Variants in N4BP2L2 observed in about 807,000 individuals in gnomAD.
N4BP2L2 encodes NEDD4 binding protein 2 like 2.
A neutral mutation model predicts 56.2 loss-of-function variants in N4BP2L2; 50 were observed. That is an observed-to-expected ratio of 0.89 (90% CI 0.71 to 1.13). The LOEUF (loss-of-function observed/expected upper bound fraction) is 1.13, where lower values mean the gene tolerates loss of function less well. N4BP2L2 is among the 50% of genes most tolerant of loss of function. The probability of loss-of-function intolerance (pLI) is 0.00; values close to 1 mark genes in which losing one functional copy is unlikely to be tolerated. For synonymous variants in N4BP2L2, 203 were observed against 223.6 expected, an observed-to-expected ratio of 0.91 and a Z score of 0.82; for missense variants, 689 against 693.8, an observed-to-expected ratio of 0.99 and a Z score of 0.08.
At chr13:32,519,242 A>G (rs2050096047) in intron 5 of N4BP2L2, among the ~76,000 whole-genome samples, 1 of 147,370 alleles carries the variant, frequency 6.8e-6, no homozygotes, top group Non-Finnish European at 1.5e-5. Flanking sequence ...AACCGTCTCT[A>G]CCAAAAAAAA....
intron 2 of N4BP2L2, among the ~76,000 whole-genome samples, chr13:32,530,441 C>T (rs551954907): frequency 4.6e-5 from 7 of 152,170 alleles, no homozygotes; most frequent in African/African-American, 1.4e-4. Flanking sequence ...CTTAGACTGT[C>T]AGAACTCTCA....
rs140690136 is a variant in N4BP2L2, at chr13:32,440,642, T to C, written c.2104+1746A>G. On this transcript the variant is annotated intron_variant, in intron 7 of 9. Transcript: ENST00000357505. ...AATTCCTGGCTAATTTTTGTATTTT[T>C]AGTAGAGACAGGGTTTCACCATGTT... Among the ~76,000 whole-genome samples, 174 of 152,210 alleles carry C rather than the reference T, an allele frequency of 1.1e-3. 2 individuals are homozygous for C. Among genetic ancestry groups the C allele is most frequent in the East Asian group, 5.0e-3 (26 of 5,170 alleles).
exon 2 of N4BP2L2, chr13:32,536,808 T>C (rs2056668708): frequency 6.2e-7 from 1 of 1,614,106 alleles, no homozygotes; most frequent in Non-Finnish European, 8.5e-7. Flanking sequence ...TCTGTAGTTT[T>C]GATTTTGTTC....
exon 7 of N4BP2L2, chr13:32,443,554 T>C: frequency 6.2e-7 from 1 of 1,610,744 alleles, no homozygotes; most frequent in South Asian, 1.1e-5. Context: ...GAGATTTTTA[T>C]CTACTATTTC....
exon 7 of N4BP2L2, chr13:32,443,182 G>A (rs2076601841): frequency 1.2e-6 from 2 of 1,613,942 alleles, no homozygotes; most frequent in East Asian, 2.2e-5. Flanking sequence ...AGTTTCAGGT[G>A]GAGGTGAAAA....
intron 6 of N4BP2L2, among the ~76,000 whole-genome samples, chr13:32,492,916 G>GTTTTTTTTTTT (rs35025430): frequency 9.3e-6 from 1 of 107,516 alleles, no homozygotes; most frequent in Non-Finnish European, 1.8e-5. Flanking sequence ...TAGCTTTTCT[G>GTTTTTTTTTTT]TTTTTTTTTT....
intron 6 of N4BP2L2, chr13:32,446,328 G>A: frequency 7.5e-7 from 1 of 1,340,284 alleles, no homozygotes; most frequent in South Asian, 1.2e-5. Flanking sequence ...TGCTATCTGT[G>A]GTTGTAACTC....
intron 6 of N4BP2L2, among the ~76,000 whole-genome samples, chr13:32,454,287 G>A (rs942664340): frequency 2.0e-5 from 3 of 152,270 alleles, no homozygotes; most frequent in South Asian, 2.1e-4. Flanking sequence ...TTAAGGAAAC[G>A]TCTGTTGAAT....
intron 6 of N4BP2L2, among the ~76,000 whole-genome samples, chr13:32,498,500 C>T (rs1012580939): frequency 6.6e-6 from 1 of 151,698 alleles, no homozygotes; most frequent in Non-Finnish European, 1.5e-5. Flanking sequence ...GCATCACATG[C>T]CCAGCTAATT....
intron 6 of N4BP2L2, among the ~76,000 whole-genome samples, chr13:32,500,262 GAAC>G (rs879640489): frequency 6.6e-6 from 1 of 152,142 alleles, no homozygotes; most frequent in Non-Finnish European, 1.5e-5. Context: ...CATCTTGCTT[GAAC>G]AATTATTTAA....
chr13:32,469,409 T>A (rs569643926), intron 6 of N4BP2L2, among the ~76,000 whole-genome samples: 1 of 149,674 alleles, frequency 6.7e-6, no homozygotes, highest in Non-Finnish European at 1.5e-5. Context: ...GTCAGCAGAG[T>A]CAGATGGGTG....
exon 7 of N4BP2L2, chr13:32,443,511 T>A (rs1269126918): frequency 2.5e-6 from 4 of 1,611,486 alleles, no homozygotes; most frequent in Non-Finnish European, 3.4e-6. Context: ...ACATTCTGAT[T>A]CCATGTTGAT....
chr13:32,477,169 C>A (rs917066266), intron 6 of N4BP2L2: 2 of 526,412 alleles, frequency 3.8e-6, no homozygotes, highest in East Asian at 4.6e-5. Context: ...AGTCTGAGAT[C>A]TACTCATTTC....
chr13:32,525,359 A>G (rs1229315152), intron 3 of N4BP2L2: 1 of 152,254 alleles, frequency 6.6e-6, no homozygotes, highest in Non-Finnish European at 1.5e-5. Flanking sequence ...ATACTAGGAA[A>G]CAGTCTTATG....
chr13:32,438,187 T>C (rs993454300), intron 8 of N4BP2L2, among the ~76,000 whole-genome samples: 1 of 152,204 alleles, frequency 6.6e-6, no homozygotes, highest in African/African-American at 2.4e-5. Context: ...TTGTTAACTA[T>C]AGTTAACTAT....
At chr13:32,443,948 C>T in exon 7 of N4BP2L2, 1 of 1,599,384 alleles carries the variant, frequency 6.3e-7, no homozygotes, top group Non-Finnish European at 8.5e-7. Flanking sequence ...CTGGTCTTTT[C>T]AATGTCTTCC....
chr13:32,532,945 C>A (rs74963826), intron 2 of N4BP2L2, among the ~76,000 whole-genome samples: 8,675 of 150,714 alleles, frequency 0.058, 844 homozygotes, highest in African/African-American at 0.2. Flanking sequence ...ACTGATCTCA[C>A]ACTTCTGGCC....
chr13:32,536,304 C>T (rs766180066), exon 2 of N4BP2L2: 3 of 1,613,716 alleles, frequency 1.9e-6, no homozygotes, highest in East Asian at 2.2e-5. Context: ...TTGTCTGGCT[C>T]ATTCCCCAAG....
chr13:32,530,123 G>A (rs1405248581), intron 2 of N4BP2L2, among the ~76,000 whole-genome samples: 3 of 151,940 alleles, frequency 2.0e-5, no homozygotes, highest in Admixed American at 1.3e-4. Context: ...AAAAGGTGGG[G>A]GAGCAATACA....
Sources: gnomAD v4.1 joint callset for allele counts (sites outside exome capture counted in the v4.1 genomes callset) on GRCh38, gnomAD v4.1.1 for gene constraint, MANE v1.5 for transcripts, NCBI Gene and HGNC (gene_info 2026-07-23, HGNC 2026-07-21) for gene names.